Variants in DPP6 observed in about 807,000 individuals in gnomAD.
DPP6 encodes dipeptidyl peptidase like 6.
In DPP6, 69 loss-of-function variants were observed where a neutral mutation model predicts 122.6. That is an observed-to-expected ratio of 0.56 (90% CI 0.46 to 0.69). The LOEUF (loss-of-function observed/expected upper bound fraction) is 0.69, where lower values mean the gene tolerates loss of function less well. Ranked by LOEUF, DPP6 falls within the 30% of genes least tolerant of loss-of-function variation. The pLI is 0.00. For missense variants in DPP6, 928 were observed against 1,116.9 expected, an observed-to-expected ratio of 0.83 and a Z score of 2.41; for synonymous variants, 418 against 433.1, an observed-to-expected ratio of 0.97 and a Z score of 0.43.
intron 1 of DPP6, among the ~76,000 whole-genome samples, chr7:154,329,975 CA>C (rs1286710573): frequency 1.3e-5 from 2 of 151,096 alleles, no homozygotes; most frequent in African/African-American, 4.9e-5. Context: ...GGGAGTTGAA[CA>C]ATGAGAACAC....
chr7:154,885,479 A>T, intron 21 of DPP6, 154 bp from the exon 22 acceptor site: 1 of 1,044,618 alleles, frequency 9.6e-7, no homozygotes, highest in African/African-American at 1.6e-5. Flanking sequence ...ATCTCTTGTT[A>T]CTGCCCCGTG....
At chr7:154,016,213 T>A (rs1798406114) in intron 1 of DPP6, among the ~76,000 whole-genome samples, 1 of 152,172 alleles carries the variant, frequency 6.6e-6, no homozygotes, top group South Asian at 2.1e-4. Context: ...TTGTTTTATC[T>A]TCTTCTCAAC....
intron 1 of DPP6, among the ~76,000 whole-genome samples, chr7:154,247,072 G>T (rs547998990): frequency 6.0e-4 from 92 of 152,268 alleles, no homozygotes; most frequent in African/African-American, 2.1e-3. Flanking sequence ...CAGCATTTTG[G>T]GGGGCCGAGG....
chr7:154,022,939 A>G (rs1402916075), intron 1 of DPP6, among the ~76,000 whole-genome samples: 2 of 152,016 alleles, frequency 1.3e-5, no homozygotes, highest in Non-Finnish European at 2.9e-5. Context: ...TTGACAGCTG[A>G]CTCTTTCTTA....
intron 3 of DPP6, among the ~76,000 whole-genome samples, chr7:154,515,651 G>GT (rs1043272530): frequency 7.9e-5 from 12 of 152,122 alleles, no homozygotes; most frequent in Middle Eastern, 6.8e-3. Context: ...AATTTTTTGT[G>GT]TTTTTGGTAA....
intron 1 of DPP6, among the ~76,000 whole-genome samples, chr7:154,112,033 T>C (rs71203921): frequency 2.0e-5 from 3 of 152,176 alleles, no homozygotes; most frequent in African/African-American, 7.2e-5. Flanking sequence ...TCCTTTACTC[T>C]CCCAGATTCT....
chr7:154,169,366 G>A (rs1585539944), intron 1 of DPP6, among the ~76,000 whole-genome samples: 1 of 152,106 alleles, frequency 6.6e-6, no homozygotes, highest in African/African-American at 2.4e-5. Context: ...GAGCACAGAG[G>A]GAGCTAGTAT....
intron 1 of DPP6, among the ~76,000 whole-genome samples, chr7:154,173,331 T>A (rs1486879318): frequency 1.3e-5 from 2 of 152,240 alleles, no homozygotes; most frequent in Non-Finnish European, 2.9e-5. Context: ...ACAGGGTTTT[T>A]ATTCTTAGTG....
chr7:154,864,710 A>G (rs755795103), intron 17 of DPP6, among the ~76,000 whole-genome samples: 1 of 152,212 alleles, frequency 6.6e-6, no homozygotes, highest in Non-Finnish European at 1.5e-5. Flanking sequence ...GAAATCTAAT[A>G]TTTAACTAAA....
intron 1 of DPP6, among the ~76,000 whole-genome samples, chr7:154,195,057 C>T (rs529601544): frequency 3.6e-4 from 55 of 152,264 alleles, no homozygotes; most frequent in African/African-American, 1.3e-3. Flanking sequence ...TAGGAAATCT[C>T]TGCCTAGTAG....
intron 1 of DPP6, among the ~76,000 whole-genome samples, chr7:153,997,121 C>A (rs1041671174): frequency 6.6e-6 from 1 of 152,076 alleles, no homozygotes; most frequent in Admixed American, 6.5e-5. Context: ...TTCACTGCAA[C>A]CACCATGGCA....
At chr7:153,941,087 G>C (rs1801675190) in intron 1 of DPP6, among the ~76,000 whole-genome samples, 1 of 152,212 alleles carries the variant, frequency 6.6e-6, no homozygotes, top group South Asian at 2.1e-4. Flanking sequence ...GTGAGGCGTT[G>C]TCCCTAACGG....
At chr7:154,540,352 T>G (rs988683273) in intron 3 of DPP6, among the ~76,000 whole-genome samples, 180 bp from the exon 4 acceptor site, 4 of 152,178 alleles carry the variant, frequency 2.6e-5, no homozygotes, top group African/African-American at 9.7e-5. Context: ...GAGAGAAGCA[T>G]CATGTGAGGC....
At chr7:153,820,897 C>A in the DPP6 span, among the ~76,000 whole-genome samples, 1 of 142,358 alleles carries the variant, frequency 7.0e-6, no homozygotes, top group Non-Finnish European at 1.5e-5. Flanking sequence ...TGTGTTTGAA[C>A]TGGGGAAATA....
At chr7:154,174,359 G>A (rs1338567464) in intron 1 of DPP6, among the ~76,000 whole-genome samples, 1 of 152,244 alleles carries the variant, frequency 6.6e-6, no homozygotes, top group Admixed American at 6.5e-5. Flanking sequence ...GCATAGCATA[G>A]AATTTACCAT....
rs1843560584 is a variant in DPP6, at chr7:154,754,475, A to C, written c.884-14942A>C. Reference sequence around the variant, plus strand: ...CTCAATTATTTTTAACTTTCTGGTGAATATTAACAGAATGATCAGTTTTGG... The same window carrying C: ...CTCAATTATTTTTAACTTTCTGGTGCATATTAACAGAATGATCAGTTTTGG... On this transcript the variant is annotated intron_variant, in intron 8 of 25. Transcript: ENST00000377770. 2.0e-5 allele frequency among the ~76,000 whole-genome samples: 3 copies of C among 152,346 alleles called. No homozygotes were observed. The South Asian group carries it at 6.2e-4, about 32-fold the overall frequency.
chr7:154,446,077 A>C (rs1201716806), intron 1 of DPP6, 137 bp from the exon 2 acceptor site: 1 of 584,840 alleles, frequency 1.7e-6, no homozygotes. Flanking sequence ...GGGAACTAAT[A>C]GTAGCTTCAA....
At chr7:154,890,372 G>A (rs1806494601) in intron 25 of DPP6, 1 of 152,306 alleles carries the variant, frequency 6.6e-6, no homozygotes, top group African/African-American at 2.4e-5. Flanking sequence ...TGATCAGGCA[G>A]GGAGAGCTCC....
At chr7:154,437,794 G>C (rs1157763515) in intron 1 of DPP6, among the ~76,000 whole-genome samples, 1 of 152,114 alleles carries the variant, frequency 6.6e-6, no homozygotes, top group African/African-American at 2.4e-5. Context: ...AAATTAGCTG[G>C]ACACGGTGGT....
Sources: gnomAD v4.1 joint callset for allele counts (sites outside exome capture counted in the v4.1 genomes callset) on GRCh38, gnomAD v4.1.1 for gene constraint, MANE v1.5 for transcripts, NCBI Gene and HGNC (gene_info 2026-07-23, HGNC 2026-07-21) for gene names.